Variants in ZNF436 observed in about 807,000 individuals in gnomAD.
The protein encoded by ZNF436 is DNA-binding protein.
A neutral mutation model predicts 41.9 loss-of-function variants in ZNF436; 22 were observed. The ratio of observed to expected loss-of-function variants is 0.53; its 90% CI spans 0.38 to 0.75. The LOEUF (loss-of-function observed/expected upper bound fraction) is 0.75. Among genes scored for constraint, ZNF436 ranks in the 30% least tolerant of loss-of-function variants. The pLI is 0.00. For missense variants in ZNF436, 506 were observed against 587.3 expected, an observed-to-expected ratio of 0.86 and a Z score of 1.43; for synonymous variants, 217 against 197.8, an observed-to-expected ratio of 1.10 and a Z score of -0.82.
chr1:23,363,883 A>T (rs1417438057), intron 3 of ZNF436, among the ~76,000 whole-genome samples: 1 of 152,142 alleles, frequency 6.6e-6, no homozygotes, highest in Non-Finnish European at 1.5e-5. Context: ...CTACAAAAAA[A>T]TTTAAAAAAT....
rs3795307 is a variant in ZNF436 at position 23,362,815 on chromosome 1, A to T, written c.567T>A (p.Thr189=). ...SHLIQHQRTH[T]GERPYDCNEC... is the part of the protein sequence containing the mutation. ...CGTTACAGTCATAAGGCCTCTCCCC[A>T]GTATGTGTTCTTTGATGCTGAATAA... The change falls in exon 4 of 4, where the codon ACT becomes ACA. Residue 189 remains threonine, a synonymous_variant. Coordinates refer to ENST00000314011, the MANE Select transcript of ZNF436 (RefSeq NM_001077195.2). The T allele has an allele frequency of 6.2e-7, 1 of 1,614,108 alleles. No individual in the cohort carries two copies. Among genetic ancestry groups the T allele is most frequent in the African/African-American group, 1.3e-5 (1 of 74,930 alleles).
chr1:23,369,637 C>T lies in ZNF436; in HGVS notation c.-332G>A, dbSNP rs768751654. On this transcript the variant is annotated 5_prime_UTR_variant, in exon 1 of 4. Coordinates refer to ENST00000314011, the MANE Select transcript of ZNF436 (RefSeq NM_001077195.2). Reference sequence around the variant, plus strand: ...GAAACCACAGGCTCATAGGCAGATCCCTGAGACCACAGAGGCTGGCCGAGA... The same window carrying T: ...GAAACCACAGGCTCATAGGCAGATCTCTGAGACCACAGAGGCTGGCCGAGA... 2 of 505,646 alleles carry T rather than the reference C, an allele frequency of 4.0e-6. No individual in the cohort carries two copies. The highest frequency in any genetic ancestry group is 2.9e-5 in the South Asian group (2 of 69,826). 31.3% of individuals were successfully genotyped at this position (505,646 alleles called of 1,614,324 possible).
chr1:23,367,085 G>A lies in ZNF436; in HGVS notation c.117C>T (p.Tyr39=). 6.2e-7 allele frequency: 1 copy of A among 1,613,856 alleles called. No homozygotes were observed. The highest frequency in any genetic ancestry group is 8.5e-7 in the Non-Finnish European group (1 of 1,179,876). ...CATAATTCTCCTGCATAACATCCCG[G>A]TAAAGGTCCCTCTGTGCAGCGTCCA... ...RPLDAAQRDL[Y]RDVMQENYGN... Residue 39 remains tyrosine (Y), a synonymous_variant, in exon 3 of 4, where the codon TAC becomes TAT. Coordinates refer to ENST00000314011, the MANE Select transcript of ZNF436 (RefSeq NM_001077195.2).
At position 23,359,946 on chromosome 1, in the gene ZNF436, A is replaced by G. The variant is rs1318316200; in HGVS notation, c.*2023T>C. The G allele has an allele frequency of 2.6e-5, 4 of 152,658 alleles. No homozygotes were observed. The highest frequency in any genetic ancestry group is 9.6e-5 in the African/African-American group (4 of 41,462). The allele number at this position is 152,658 out of a possible 1,614,324, so 9.5% of individuals were successfully genotyped here. ...ATGCGGTCATCTATGGCCACTCCCA[A>G]GCTGATACCCATAGTGGCTCACAGA... On this transcript the variant is annotated 3_prime_UTR_variant, in exon 4 of 4. Transcript: ENST00000314011.
At chr1:23,368,414 G>A (rs1638415069) in intron 1 of ZNF436, 1 of 195,088 alleles carries the variant, frequency 5.1e-6, no homozygotes. Context: ...AGCGAGCGAA[G>A]TTCGTGAACC....
chr1:23,361,706 C>A lies in ZNF436; in HGVS notation c.*263G>T. 2.7e-6 allele frequency: 1 copy of A among 364,174 alleles called. No individual in the cohort carries two copies. 22.6% of individuals were successfully genotyped at this position (364,174 alleles called of 1,614,324 possible). On this transcript the variant is annotated 3_prime_UTR_variant, in exon 4 of 4. Coordinates refer to ENST00000314011, the MANE Select transcript of ZNF436 (RefSeq NM_001077195.2). ...CCTAAGCATTCACCAGCATTTGTCC[C>A]CTGGTCTTCAGATTTCCAGTTACTT...
rs1646989517 is a variant in ZNF436, at chr1:23,360,729, AAC to A, written c.*1238_*1239del. 6.6e-6 allele frequency: 1 copy of A among 152,664 alleles called. No homozygotes were observed. The highest frequency in any genetic ancestry group is 1.5e-5 in the Non-Finnish European group (1 of 68,052). The allele number at this position is 152,664 out of a possible 1,614,324, so 9.5% of individuals were successfully genotyped here. On this transcript the variant is annotated 3_prime_UTR_variant, in exon 4 of 4. Coordinates refer to ENST00000314011, the MANE Select transcript of ZNF436 (RefSeq NM_001077195.2). ...TGGTCATTATCTTCCACAATTGACAAACACATACAAACAAGTGCTTAGCTCTG... is the reference window on the plus strand; with the variant it reads ...TGGTCATTATCTTCCACAATTGACAAACATACAAACAAGTGCTTAGCTCTG...
At chr1:23,365,123 G>A (rs1181641203) in intron 3 of ZNF436, among the ~76,000 whole-genome samples, 3 of 152,064 alleles carry the variant, frequency 2.0e-5, no homozygotes, top group African/African-American at 7.2e-5. Context: ...GCCGGGCGCG[G>A]TGGCTCACGT....
chr1:23,369,345 G>A (rs1557999992), intron 1 of ZNF436, 21 bp downstream of exon 1: 2 of 532,164 alleles, frequency 3.8e-6, no homozygotes, highest in Admixed American at 1.9e-5. Flanking sequence ...GAAAACCCGA[G>A]TGGGGGACGA....
chr1:23,368,095 C>A, intron 1 of ZNF436, 30 bp from the exon 2 acceptor site: 4 of 1,470,928 alleles, frequency 2.7e-6, no homozygotes, highest in Non-Finnish European at 3.8e-6. Flanking sequence ...GGGCGTGAGG[C>A]ACGGAAAACA....
Position 23,359,787 on chromosome 1 carries a change from G to A in ZNF436, c.*2182C>T, listed in dbSNP as rs1302100781. The A allele has an allele frequency of 6.6e-6, 1 of 152,662 alleles. No individual in the cohort carries two copies. Among genetic ancestry groups the A allele is most frequent in the Non-Finnish European group, 1.5e-5 (1 of 68,052 alleles). 9.5% of individuals were successfully genotyped at this position (152,662 alleles called of 1,614,324 possible). On this transcript the variant is annotated 3_prime_UTR_variant, in exon 4 of 4. Coordinates refer to ENST00000314011, the MANE Select transcript of ZNF436 (RefSeq NM_001077195.2). ...CCCAGCTAGATTGTTCATGTATGGA[G>A]ATAGCTGGGTGCTTAGAAGCCTTGT...
chr1:23,368,747 T>C (rs1638423955), intron 1 of ZNF436, among the ~76,000 whole-genome samples: 1 of 152,162 alleles, frequency 6.6e-6, no homozygotes, highest in Admixed American at 6.5e-5. Context: ...GTCAGGCCAA[T>C]TTAGGCGCTG....
chr1:23,368,098 G>A (rs760814249), intron 1 of ZNF436, 33 bp from the exon 2 acceptor site: 9 of 1,447,894 alleles, frequency 6.2e-6, no homozygotes, highest in Admixed American at 5.4e-5. Flanking sequence ...CGTGAGGCAC[G>A]GAAAACAGGC....
At chr1:23,366,499 T>G (rs939513857) in intron 3 of ZNF436, among the ~76,000 whole-genome samples, 15 of 152,192 alleles carry the variant, frequency 9.9e-5, no homozygotes, top group Non-Finnish European at 2.1e-4. Flanking sequence ...CTAATAGAAT[T>G]TGTGATCTAT....
chr1:23,368,721 C>T (rs1638423583), intron 1 of ZNF436, among the ~76,000 whole-genome samples: 1 of 152,232 alleles, frequency 6.6e-6, no homozygotes. Context: ...TTGAGTCGGG[C>T]CTTATTATCT....
rs541412357 is a variant in ZNF436, at chr1:23,361,503, A to G, written c.*466T>C. On this transcript the variant is annotated 3_prime_UTR_variant, in exon 4 of 4. Transcript: ENST00000314011. ...AGGAAAAAGCCCTTTGGAAGGGAAG[A>G]TGTGTGTGCCCAACTACTATGGTGT... 1 of 154,194 alleles carries G rather than the reference A, an allele frequency of 6.5e-6. No individual in the cohort carries two copies. The highest frequency in any genetic ancestry group is 2.0e-4 in the South Asian group (1 of 4,892). The allele number at this position is 154,194 out of a possible 1,614,324, so 9.6% of individuals were successfully genotyped here. A position where few individuals can be genotyped will look rare whatever the true frequency, so the allele number is the denominator to read the frequency against.
rs1355258881 is a variant in ZNF436, at chr1:23,359,645, A to G, written c.*2324T>C. ...AGGGACTTGGGAGCAGAAGGCATGC[A>G]AAAAGCATTAGTGAAGGGAGTCTGA... On this transcript the variant is annotated 3_prime_UTR_variant, in exon 4 of 4. Transcript: ENST00000314011. 2 of 152,658 alleles carry G rather than the reference A, an allele frequency of 1.3e-5. No homozygotes were observed. Among genetic ancestry groups the G allele is most frequent in the Non-Finnish European group, 2.9e-5 (2 of 68,048 alleles). 9.5% of individuals were successfully genotyped at this position (152,658 alleles called of 1,614,324 possible).
At position 23,367,101 on chromosome 1, in the gene ZNF436, G is replaced by A; in HGVS notation, c.101C>T (p.Ala34Val). The change falls in exon 3 of 4, where the codon GCA (alanine) becomes GTA (valine). Residue 34 changes from alanine to valine, a missense_variant. By Grantham distance (64) the Ala-to-Val change is moderately conservative. Coordinates refer to ENST00000314011, the MANE Select transcript of ZNF436 (RefSeq NM_001077195.2). Reference sequence around the variant, plus strand: ...AACATCCCGGTAAAGGTCCCTCTGTGCAGCGTCCAGAGGTCTCCATTCTTC... The same window carrying A: ...AACATCCCGGTAAAGGTCCCTCTGTACAGCGTCCAGAGGTCTCCATTCTTC... ...TREEWRPLDAAQRDLYRDVMQ... is the reference protein window; with the variant it reads ...TREEWRPLDAVQRDLYRDVMQ... 1.9e-6 allele frequency: 3 copies of A among 1,613,694 alleles called. No individual in the cohort carries two copies.
Position 23,367,126 on chromosome 1 carries a change from C to T in ZNF436, c.76G>A (p.Glu26Lys). Residue 26 changes from glutamate (E) to lysine (K), a missense_variant, in exon 3 of 4, where the codon GAA becomes AAA. Coordinates refer to ENST00000314011, the MANE Select transcript of ZNF436 (RefSeq NM_001077195.2). ...GCAGCGTCCAGAGGTCTCCATTCTT[C>T]CCGGGTGAGATACATGGCCATATCT... Reference protein sequence around the residue: ...FEDMAMYLTREEWRPLDAAQR... With the variant: ...FEDMAMYLTRKEWRPLDAAQR... 1 of 1,613,654 alleles carries T rather than the reference C, an allele frequency of 6.2e-7. No individual in the cohort carries two copies.
Sources: gnomAD v4.1 joint callset for allele counts (sites outside exome capture counted in the v4.1 genomes callset) on GRCh38, gnomAD v4.1.1 for gene constraint, MANE v1.5 for transcripts, NCBI Gene and HGNC (gene_info 2026-07-23, HGNC 2026-07-21) for gene names.